EIF4E2: variants seen among roughly 807,000 people sequenced by gnomAD.
The protein encoded by EIF4E2 is eukaryotic translation initiation factor 4E family member 2, also known as eukaryotic translation initiation factor 4E type 2.
EIF4E2 carries 13 observed loss-of-function variants against 34.2 expected under a neutral mutation model. That is an observed-to-expected ratio of 0.38 (90% CI 0.25 to 0.60). The LOEUF (loss-of-function observed/expected upper bound fraction) is 0.60, where lower values mean the gene tolerates loss of function less well. Among genes scored for constraint, EIF4E2 ranks in the 20% least tolerant of loss-of-function variants. EIF4E2 has a pLI of 0.62. For missense variants in EIF4E2, 222 were observed against 315.1 expected (o/e 0.70, Z 2.24); for synonymous variants, 100 against 106.6 (o/e 0.94, Z 0.38).
chr2:232,560,873 A>G (rs1692699730), intron 3 of EIF4E2, among the ~76,000 whole-genome samples: 1 of 152,210 alleles, frequency 6.6e-6, no homozygotes, highest in South Asian at 2.1e-4. Flanking sequence ...GGGTTTTGTA[A>G]TAATAAACTA....
chr2:232,552,305 G>A (rs1486412760), intron 1 of EIF4E2, among the ~76,000 whole-genome samples: 1 of 152,138 alleles, frequency 6.6e-6, no homozygotes, highest in East Asian at 1.9e-4. Flanking sequence ...TCAACCTCCC[G>A]GGCACCAGCA....
intron 1 of EIF4E2, among the ~76,000 whole-genome samples, chr2:232,555,833 G>A (rs1383584196): frequency 5.3e-5 from 8 of 152,206 alleles, no homozygotes; most frequent in African/African-American, 1.9e-4. Flanking sequence ...ATCAAAAAGC[G>A]AGGGACAGTT....
At chr2:232,551,115 C>T in intron 1 of EIF4E2, 1 of 585,302 alleles carries the variant, frequency 1.7e-6, no homozygotes, top group Non-Finnish European at 3.3e-6. Context: ...CCTCTGAATC[C>T]AGCTTTCCCC....
chr2:232,565,450 A>G (rs1403983067), intron 4 of EIF4E2, among the ~76,000 whole-genome samples: 1 of 152,116 alleles, frequency 6.6e-6, no homozygotes, highest in Non-Finnish European at 1.5e-5. Context: ...CCTGGCCAAC[A>G]TGGTGAAACC....
chr2:232,563,511 G>A (rs1018121265), intron 3 of EIF4E2, among the ~76,000 whole-genome samples: 1 of 152,134 alleles, frequency 6.6e-6, no homozygotes, highest in Non-Finnish European at 1.5e-5. Context: ...ACGGGATTGT[G>A]AAGGAGCGGC....
At chr2:232,568,152 T>C in intron 6 of EIF4E2, 2 of 985,280 alleles carry the variant, frequency 2.0e-6, no homozygotes, top group Middle Eastern at 5.2e-4. Flanking sequence ...ATTGCTATCA[T>C]CATCATCATC....
intron 6 of EIF4E2, chr2:232,568,409 G>A: frequency 1.0e-6 from 1 of 985,356 alleles, no homozygotes; most frequent in Non-Finnish European, 1.2e-6. Context: ...CATGGCTGTG[G>A]TTGCTTGCCT....
Position 232,567,138 on chromosome 2 carries a change from C to T in EIF4E2, c.589C>T (p.Arg197Trp), listed in dbSNP as rs1692963005. 3.1e-6 allele frequency: 5 copies of T among 1,614,178 alleles called. No individual in the cohort carries two copies. The highest frequency in any genetic ancestry group is 4.2e-6 in the Non-Finnish European group (5 of 1,180,036). ...ASDQATTARI[R>W]DTLRRVLNLP... Reference sequence around the variant, plus strand: ...TGACCAAGCAACCACAGCCCGAATCCGGGACACACTTCGGCGAGTGCTTAA... The same window carrying T: ...TGACCAAGCAACCACAGCCCGAATCTGGGACACACTTCGGCGAGTGCTTAA... The change falls in exon 6 of 7, where the codon CGG becomes TGG. Residue 197 changes from arginine (R) to tryptophan (W), a missense_variant. Physicochemically the swap from Arg to Trp is moderately radical, Grantham distance 101. This residue lies in a region of EIF4E2 where 105 missense variants were observed against 195.1 expected (regional missense o/e 0.54). Coordinates refer to ENST00000258416, the MANE Select transcript of EIF4E2 (RefSeq NM_004846.4).
chr2:232,566,971 T>C lies in EIF4E2; in HGVS notation c.518T>C (p.Val173Ala), dbSNP rs541446786. Residue 173 changes from valine (V) to alanine (A), a missense_variant, in exon 5 of 7, where the codon GTC (valine) becomes GCC (alanine). Coordinates refer to ENST00000258416, the MANE Select transcript of EIF4E2 (RefSeq NM_004846.4). This position sits in a 1 kb window ranked among gnomAD's most constrained non-coding sequence, Gnocchi z 4.9. ...GEEICGAVVS[V>A]RFQEDIISIW... ...GAGATCTGTGGGGCTGTGGTGTCTG[T>C]CCGCTTTCAGGTAAGCCACCCATGA... The C allele has an allele frequency of 6.3e-7, 1 of 1,594,764 alleles. No individual in the cohort carries two copies. The highest frequency in any genetic ancestry group is 2.2e-5 in the East Asian group (1 of 44,706).
downstream of EIF4E2, among the ~76,000 whole-genome samples, chr2:232,571,859 A>G (rs191825321): frequency 6.6e-6 from 1 of 152,344 alleles, no homozygotes; most frequent in East Asian, 1.9e-4. Context: ...CTGGTAGGCA[A>G]AGCGAAGAGA....
intron 6 of EIF4E2, among the ~76,000 whole-genome samples, chr2:232,579,737 G>A (rs1299689302): frequency 1.3e-5 from 2 of 152,090 alleles, no homozygotes; most frequent in Non-Finnish European, 2.9e-5. Context: ...ATGACAGGAG[G>A]GTCACTTGAG....
At chr2:232,580,131 C>CACAT (rs1693314013) in intron 6 of EIF4E2, among the ~76,000 whole-genome samples, 5 of 136,228 alleles carry the variant, frequency 3.7e-5, no homozygotes, top group Admixed American at 2.9e-4. Flanking sequence ...CACACACACA[C>CACAT]ACTTTCAAGA....
chr2:232,580,084 C>CCACACACACACACACACACACA (rs6147227), intron 6 of EIF4E2, among the ~76,000 whole-genome samples: 1 of 145,170 alleles, frequency 6.9e-6, no homozygotes, highest in African/African-American at 2.6e-5. Flanking sequence ...CACATACATA[C>CCACACACACACACACACACACA]CACACACACA....
intron 1 of EIF4E2, chr2:232,551,315 C>T (rs775742347): frequency 5.7e-5 from 27 of 470,738 alleles, no homozygotes; most frequent in Non-Finnish European, 9.7e-5. Context: ...TTCCCGTTCC[C>T]GTCTTCCAAC....
chr2:232,557,519 C>T, intron 2 of EIF4E2: 1 of 214,580 alleles, frequency 4.7e-6, no homozygotes, highest in South Asian at 8.1e-5. Context: ...CAATTTTCCT[C>T]ATTTTGCAGG....
downstream of EIF4E2, among the ~76,000 whole-genome samples, chr2:232,570,693 C>G (rs1297378280): frequency 6.6e-6 from 1 of 152,208 alleles, no homozygotes; most frequent in African/African-American, 2.4e-5. Context: ...GCCTGTAATC[C>G]TAGCACTTTG....
exon 7 of EIF4E2, chr2:232,583,144 A>G (rs952015997): frequency 6.6e-6 from 1 of 152,078 alleles, no homozygotes; most frequent in Non-Finnish European, 1.5e-5. Flanking sequence ...TTATGGTATC[A>G]CCGTTACAGA....
At chr2:232,573,285 T>C (rs1013358592), downstream of EIF4E2, among the ~76,000 whole-genome samples, 1 of 152,248 alleles carries the variant, frequency 6.6e-6, no homozygotes, top group African/African-American at 2.4e-5. Flanking sequence ...AAATGTAGTG[T>C]ATTGTCACCC....
At chr2:232,577,512 G>A (rs1177966138) in intron 6 of EIF4E2, among the ~76,000 whole-genome samples, 4 of 152,274 alleles carry the variant, frequency 2.6e-5, no homozygotes, top group East Asian at 3.9e-4. Context: ...AATCTCTGCC[G>A]TAGTTCATTG....
Sources: gnomAD v4.1 joint callset for allele counts (sites outside exome capture counted in the v4.1 genomes callset) on GRCh38, gnomAD v4.1.1 for gene constraint, gnomAD v4.1.1 regional missense constraint, Gnocchi (gnomAD v3.1) non-coding constraint, MANE v1.5 for transcripts, NCBI Gene and HGNC (gene_info 2026-07-23, HGNC 2026-07-21) for gene names.